The following ASCC1 variants were observed in gnomAD, a reference collection of about 807,000 sequenced individuals.
The protein encoded by ASCC1 is ASC-1 complex subunit P50.
Under a neutral mutation model 46.6 loss-of-function variants are expected in ASCC1, and 35 were observed. The observed-to-expected ratio is 0.75, with a 90% CI of 0.57 to 0.99. The LOEUF (loss-of-function observed/expected upper bound fraction) is 0.99, where lower values mean the gene tolerates loss of function less well. ASCC1 is among the 50% of genes least tolerant of loss of function. ASCC1 has a pLI of 0.00. For synonymous variants in ASCC1, 143 were observed against 146.6 expected (o/e 0.98, Z 0.18); for missense variants, 376 against 428.7 (o/e 0.88, Z 1.09).
chr10:72,134,286 T>C (rs1845935940), intron 7 of ASCC1: 1 of 151,822 alleles, frequency 6.6e-6, no homozygotes, highest in Non-Finnish European at 1.5e-5. Context: ...TTTTTTAAAT[T>C]AGCTGGGCAT....
At chr10:72,198,437 G>C (rs997831435) in intron 4 of ASCC1, 62 of 396,080 alleles carry the variant, frequency 1.6e-4, no homozygotes, top group South Asian at 1.1e-3. Flanking sequence ...AGAAGGCAAG[G>C]CATGCTCATG....
At chr10:72,113,890 C>T (rs1389832636) in intron 9 of ASCC1, among the ~76,000 whole-genome samples, 1 of 152,176 alleles carries the variant, frequency 6.6e-6, no homozygotes, top group Non-Finnish European at 1.5e-5. Flanking sequence ...ACTAACAAAG[C>T]ACCATATTCT....
intron 4 of ASCC1, among the ~76,000 whole-genome samples, chr10:72,201,357 T>A (rs558373244): frequency 6.6e-6 from 1 of 152,188 alleles, no homozygotes; most frequent in African/African-American, 2.4e-5. Flanking sequence ...AGAGTACTTA[T>A]AATTTTTTAT....
At chr10:72,163,942 T>A (rs887273080) in intron 5 of ASCC1, among the ~76,000 whole-genome samples, 1 of 152,074 alleles carries the variant, frequency 6.6e-6, no homozygotes, top group African/African-American at 2.4e-5. Context: ...GCATTCCATA[T>A]CCATTTATTT....
At chr10:72,166,222 C>T (rs1417154930) in intron 5 of ASCC1, among the ~76,000 whole-genome samples, 1 of 152,178 alleles carries the variant, frequency 6.6e-6, no homozygotes, top group Non-Finnish European at 1.5e-5. Flanking sequence ...TTCAACACAG[C>T]TCACTCAATA....
At chr10:72,155,799 A>G (rs927863088) in intron 6 of ASCC1, among the ~76,000 whole-genome samples, 1 of 152,202 alleles carries the variant, frequency 6.6e-6, no homozygotes, top group Non-Finnish European at 1.5e-5. Flanking sequence ...CTGAAACCCA[A>G]TTAAAAATCA....
Position 72,213,207 on chromosome 10 carries a change from T to C in ASCC1, c.92A>G (p.Asp31Gly), listed in dbSNP as rs1269493311. Residue 31 changes from aspartate to glycine, a missense_variant, in exon 2 of 10, where the codon GAT becomes GGT. Physicochemically the swap from Asp to Gly is moderately conservative, Grantham distance 94. Transcript: ENST00000672957. ...ATTACCTTGATAGAAGTCCTCTTCA[T>C]CTTCTTCATGTTGATAGGTCTGTTC... The part of the protein sequence containing the change: ...VQEQTYQHEE[D>G]EEDFYQGSME... 1.9e-6 allele frequency: 3 copies of C among 1,612,766 alleles called. No individual in the cohort carries two copies. The highest frequency in any genetic ancestry group is 3.3e-5 in the Admixed American group (2 of 60,002).
At chr10:72,204,165 C>T (rs1856879085) in intron 3 of ASCC1, among the ~76,000 whole-genome samples, 1 of 152,188 alleles carries the variant, frequency 6.6e-6, no homozygotes. Context: ...AGGAGAATCA[C>T]TTGAACCCGG....
intron 9 of ASCC1, among the ~76,000 whole-genome samples, chr10:72,123,515 C>A (rs1844479736): frequency 6.6e-6 from 1 of 151,992 alleles, no homozygotes; most frequent in Admixed American, 6.6e-5. Flanking sequence ...GTGGGGGAGG[C>A]TGTGCGTGTG....
chr10:72,192,720 C>CTCAAG (rs1414221193), intron 5 of ASCC1, among the ~76,000 whole-genome samples: 2 of 152,158 alleles, frequency 1.3e-5, no homozygotes, highest in Non-Finnish European at 2.9e-5. Context: ...TCTCAAACTC[C>CTCAAG]TGGCCTCAAG....
intron 5 of ASCC1, among the ~76,000 whole-genome samples, chr10:72,181,554 G>C (rs560159889): frequency 1.5e-4 from 23 of 151,502 alleles, no homozygotes; most frequent in Non-Finnish European, 3.1e-4. Flanking sequence ...GAACAATAAA[G>C]GAATATTTAA....
At chr10:72,179,192 C>T (rs563568871) in intron 5 of ASCC1, among the ~76,000 whole-genome samples, 1 of 152,226 alleles carries the variant, frequency 6.6e-6, no homozygotes, top group South Asian at 2.1e-4. Flanking sequence ...GTTTTGTAGA[C>T]ACAAGTTTTG....
intron 7 of ASCC1, among the ~76,000 whole-genome samples, chr10:72,141,660 T>C (rs1847031393): frequency 6.6e-6 from 1 of 152,224 alleles, no homozygotes; most frequent in African/African-American, 2.4e-5. Context: ...AGTTTTCTTC[T>C]ACTTTTAAAA....
intron 5 of ASCC1, among the ~76,000 whole-genome samples, chr10:72,167,870 T>C (rs540041815): frequency 6.6e-6 from 1 of 152,246 alleles, no homozygotes; most frequent in East Asian, 1.9e-4. Flanking sequence ...ACTCCTGGCC[T>C]TAAGCAGGCC....
intron 7 of ASCC1, among the ~76,000 whole-genome samples, chr10:72,151,213 T>C (rs1848281635): frequency 6.6e-6 from 1 of 152,184 alleles, no homozygotes; most frequent in South Asian, 2.1e-4. Context: ...CCATCAATGA[T>C]AGACTGGATT....
chr10:72,189,073 CT>C (rs1853958157), intron 5 of ASCC1, among the ~76,000 whole-genome samples: 1 of 151,960 alleles, frequency 6.6e-6, no homozygotes, highest in Non-Finnish European at 1.5e-5. Flanking sequence ...TCATTTAATC[CT>C]TCCTACAACC....
intron 5 of ASCC1, among the ~76,000 whole-genome samples, chr10:72,191,863 G>A (rs952827636): frequency 2.0e-5 from 3 of 151,512 alleles, no homozygotes; most frequent in African/African-American, 7.3e-5. Flanking sequence ...GGCCAGGCTG[G>A]TCTCGAACTC....
At chr10:72,176,918 T>A (rs1432714651) in intron 5 of ASCC1, among the ~76,000 whole-genome samples, 2 of 151,656 alleles carry the variant, frequency 1.3e-5, no homozygotes, top group African/African-American at 4.8e-5. Context: ...AGCTCCCTTA[T>A]CAAGCCTTCT....
At chr10:72,206,903 A>G (rs1039735618) in intron 3 of ASCC1, among the ~76,000 whole-genome samples, 1 of 152,088 alleles carries the variant, frequency 6.6e-6, no homozygotes, top group Non-Finnish European at 1.5e-5. Context: ...CCAGCCCACC[A>G]CCACAGCACC....
Sources: allele counts gnomAD v4.1 joint callset (sites outside exome capture counted in the v4.1 genomes callset), GRCh38; gene constraint gnomAD v4.1.1; transcripts MANE v1.5; gene names NCBI Gene and HGNC (gene_info 2026-07-23, HGNC 2026-07-21).